Variants in CDH7 observed in about 807,000 individuals in gnomAD.
CDH7 encodes cadherin 7, also known as cadherin-7.
In CDH7, 25 loss-of-function variants were observed where a neutral mutation model predicts 71.8. The ratio of observed to expected loss-of-function variants is 0.35; its 90% CI spans 0.25 to 0.49. The LOEUF (loss-of-function observed/expected upper bound fraction) is 0.49, where lower values mean the gene tolerates loss of function less well. Among genes scored for constraint, CDH7 ranks in the 20% least tolerant of loss-of-function variants. CDH7 has a pLI of 0.99. For missense variants in CDH7, 862 were observed against 974.6 expected (o/e 0.88, Z 1.54); for synonymous variants, 381 against 363.8 (o/e 1.05, Z -0.54).
At chr18:65,770,697 A>T (rs1166487222) in intron 2 of CDH7, among the ~76,000 whole-genome samples, 6 of 152,200 alleles carry the variant, frequency 3.9e-5, no homozygotes, top group Non-Finnish European at 4.4e-5. Flanking sequence ...TAAGTAGAAT[A>T]ATGGAACAGC....
chr18:65,806,632 A>G (rs1034914545), intron 2 of CDH7, among the ~76,000 whole-genome samples: 1 of 151,842 alleles, frequency 6.6e-6, no homozygotes, highest in African/African-American at 2.4e-5. Flanking sequence ...TCAGGTTGTA[A>G]TAGTTATTCT....
intron 2 of CDH7, among the ~76,000 whole-genome samples, chr18:65,781,910 C>T (rs1275261880): frequency 1.9e-5 from 2 of 107,434 alleles, no homozygotes; most frequent in Non-Finnish European, 1.8e-5. Flanking sequence ...CTATCTTTCT[C>T]TCTTTCTCTC....
At chr18:65,803,273 A>G (rs1219663120) in intron 2 of CDH7, 1 of 152,144 alleles carries the variant, frequency 6.6e-6, no homozygotes, top group Admixed American at 6.5e-5. Flanking sequence ...GTGACCCCCT[A>G]GAATGGCTGT....
chr18:65,881,163 A>G lies in CDH7; in HGVS notation c.*269A>G, dbSNP rs1914220489. 6.6e-6 allele frequency: 2 copies of G among 302,978 alleles called. No homozygotes were observed. The highest frequency in any genetic ancestry group is 6.1e-6 in the Non-Finnish European group (1 of 164,676). The allele number at this position is 302,978 out of a possible 1,614,324, so 18.8% of individuals were successfully genotyped here. A position where few individuals can be genotyped will look rare whatever the true frequency, so the allele number is the denominator to read the frequency against. On this transcript the variant is annotated 3_prime_UTR_variant, in exon 12 of 12. Coordinates refer to ENST00000397968, the MANE Select transcript of CDH7 (RefSeq NM_004361.5). ...AAAAATAAATGCTCAGTGGTTTGTGAATAGATAGCAACTCTCATATACCTG... is the reference window on the plus strand; with the variant it reads ...AAAAATAAATGCTCAGTGGTTTGTGGATAGATAGCAACTCTCATATACCTG...
At chr18:65,870,040 G>T (rs901136256) in intron 11 of CDH7, among the ~76,000 whole-genome samples, 43 of 152,124 alleles carry the variant, frequency 2.8e-4, no homozygotes, top group African/African-American at 1.0e-3. Context: ...AATGATGTTT[G>T]CAGGTTAGTA....
At chr18:65,850,656 A>C (rs1036688369) in intron 7 of CDH7, among the ~76,000 whole-genome samples, 1 of 151,714 alleles carries the variant, frequency 6.6e-6, no homozygotes, top group African/African-American at 2.4e-5. Flanking sequence ...TCTCCAAAAC[A>C]TTCTGGACAT....
At chr18:65,809,196 C>T (rs563624037) in intron 2 of CDH7, among the ~76,000 whole-genome samples, 4 of 152,130 alleles carry the variant, frequency 2.6e-5, no homozygotes, top group South Asian at 2.1e-4. Context: ...CAGCCACACT[C>T]GTTAATCACA....
rs1914372609 is a variant in CDH7 at position 65,886,261 on chromosome 18, TA to T, written c.*5372del. On this transcript the variant is annotated 3_prime_UTR_variant, in exon 12 of 12. Coordinates refer to ENST00000397968, the MANE Select transcript of CDH7 (RefSeq NM_004361.5). ...ATTATGGGAAATAATGGGAATTATA[TA>T]AAAAGGTTGATAATTGTTATATGGT... The T allele has an allele frequency of 6.6e-6, 1 of 152,194 alleles. No homozygotes were observed. Among genetic ancestry groups the T allele is most frequent in the Non-Finnish European group, 1.5e-5 (1 of 68,028 alleles). 9.4% of individuals were successfully genotyped at this position (152,194 alleles called of 1,614,324 possible).
intron 6 of CDH7, 111 bp from the exon 7 acceptor site, chr18:65,843,701 C>T: frequency 1.1e-6 from 1 of 899,140 alleles, no homozygotes; most frequent in South Asian, 2.3e-5. Context: ...GCTGATGGTG[C>T]ATTTACATGA....
chr18:65,838,353 T>C (rs1912608383), intron 6 of CDH7, among the ~76,000 whole-genome samples: 1 of 152,226 alleles, frequency 6.6e-6, no homozygotes, highest in African/African-American at 2.4e-5. Flanking sequence ...AAGCTACAGA[T>C]ATTGAAAGCT....
intron 3 of CDH7, among the ~76,000 whole-genome samples, chr18:65,810,407 A>G (rs1244275104): frequency 6.6e-6 from 1 of 152,180 alleles, no homozygotes; most frequent in Non-Finnish European, 1.5e-5. Context: ...TCATTGTTCT[A>G]AACATCTCTC....
intron 2 of CDH7, among the ~76,000 whole-genome samples, chr18:65,801,509 A>G (rs1344253236): frequency 6.6e-6 from 1 of 152,224 alleles, no homozygotes; most frequent in African/African-American, 2.4e-5. Flanking sequence ...ATATTACCGA[A>G]TAGCAATGTA....
At chr18:65,869,545 AT>A (rs10696115) in intron 11 of CDH7, among the ~76,000 whole-genome samples, 5,082 of 90,626 alleles carry the variant, frequency 0.056, 44 homozygotes, top group African/African-American at 0.12. Flanking sequence ...AAGTGGGTCA[AT>A]TTTTTTTTTT....
At chr18:65,752,513 A>G (rs1489504981) in intron 1 of CDH7, among the ~76,000 whole-genome samples, 1 of 152,256 alleles carries the variant, frequency 6.6e-6, no homozygotes, top group Non-Finnish European at 1.5e-5. Context: ...CTTCTTTCCT[A>G]AAGAACTAGT....
intron 5 of CDH7, among the ~76,000 whole-genome samples, chr18:65,823,178 C>T (rs959069606): frequency 2.4e-4 from 37 of 151,756 alleles, no homozygotes; most frequent in African/African-American, 8.7e-4. Context: ...AAATTTTCCT[C>T]TTTATCTTAC....
intron 6 of CDH7, among the ~76,000 whole-genome samples, chr18:65,842,273 T>A (rs1226797279): frequency 6.6e-6 from 1 of 152,120 alleles, no homozygotes; most frequent in Non-Finnish European, 1.5e-5. Flanking sequence ...ATAATAGTGA[T>A]GAACAAAATG....
At chr18:65,798,981 T>C (rs892008359) in intron 2 of CDH7, among the ~76,000 whole-genome samples, 7 of 152,102 alleles carry the variant, frequency 4.6e-5, no homozygotes, top group Non-Finnish European at 1.0e-4. Context: ...AGTTCCTGCA[T>C]ACATATGTTA....
intron 2 of CDH7, among the ~76,000 whole-genome samples, chr18:65,781,786 C>CTTTCTTTCTTTCTAT: frequency 1.5e-5 from 1 of 67,324 alleles, no homozygotes. Context: ...TTCCTTCCTT[C>CTTTCTTTCTTTCTAT]CTTCCTTCCT....
chr18:65,871,672 G>A (rs1434668577), intron 11 of CDH7, among the ~76,000 whole-genome samples: 1 of 152,156 alleles, frequency 6.6e-6, no homozygotes, highest in African/African-American at 2.4e-5. Context: ...ACAAATCAGA[G>A]GAACGTTAAT....
Sources: allele counts gnomAD v4.1 joint callset (sites outside exome capture counted in the v4.1 genomes callset), GRCh38; gene constraint gnomAD v4.1.1; transcripts MANE v1.5; gene names NCBI Gene and HGNC (gene_info 2026-07-23, HGNC 2026-07-21).